POU6F2: variants seen among roughly 807,000 people sequenced by gnomAD.
The protein encoded by POU6F2 is POU domain, class 6, transcription factor 2.
Under a neutral mutation model 71.3 loss-of-function variants are expected in POU6F2, and 31 were observed. The observed-to-expected ratio is 0.43, with a 90% CI of 0.33 to 0.59. The LOEUF is 0.59. Ranked by LOEUF, POU6F2 falls within the 20% of genes least tolerant of loss-of-function variation. The pLI is 0.04. For synonymous variants in POU6F2, 347 were observed against 355.7 expected (o/e 0.98, Z 0.27); for missense variants, 783 against 856.8 (o/e 0.91, Z 1.07).
At chr7:39,269,428 GT>G (rs1784305257) in intron 4 of POU6F2, among the ~76,000 whole-genome samples, 1 of 152,226 alleles carries the variant, frequency 6.6e-6, no homozygotes, top group African/African-American at 2.4e-5. Flanking sequence ...CCCCAGTCCT[GT>G]GACAGCCCCC....
At chr7:39,461,397 C>CCCGT (rs1324730438) in intron 9 of POU6F2, among the ~76,000 whole-genome samples, 2 of 152,104 alleles carry the variant, frequency 1.3e-5, no homozygotes, top group African/African-American at 4.8e-5. Flanking sequence ...AGAAGCAGGC[C>CCCGT]CCGTGCATGC....
At chr7:39,036,988 A>G (rs1056801983) in intron 1 of POU6F2, among the ~76,000 whole-genome samples, 2 of 151,984 alleles carry the variant, frequency 1.3e-5, no homozygotes, top group South Asian at 2.1e-4. Flanking sequence ...TATACAGACT[A>G]TTTCATCACC....
chr7:39,201,865 A>C (rs1171894866), intron 2 of POU6F2, among the ~76,000 whole-genome samples: 1 of 152,166 alleles, frequency 6.6e-6, no homozygotes, highest in Non-Finnish European at 1.5e-5. Context: ...CCCTGATTCC[A>C]GAGCCGCCTT....
At chr7:39,127,049 A>G (rs941733629) in intron 2 of POU6F2, among the ~76,000 whole-genome samples, 3 of 152,244 alleles carry the variant, frequency 2.0e-5, no homozygotes, top group Non-Finnish European at 4.4e-5. Flanking sequence ...ATTTTATTTA[A>G]CCTCATATAT....
chr7:39,266,348 G>T (rs897819168), intron 4 of POU6F2, among the ~76,000 whole-genome samples: 2 of 152,176 alleles, frequency 1.3e-5, no homozygotes, highest in Non-Finnish European at 2.9e-5. Context: ...TGCACCACAA[G>T]GATGTGGTAG....
At chr7:39,327,878 CCAAGGT>C (rs1785547034) in intron 4 of POU6F2, among the ~76,000 whole-genome samples, 1 of 151,024 alleles carries the variant, frequency 6.6e-6, no homozygotes, top group Non-Finnish European at 1.5e-5. Flanking sequence ...AGATGGTGTT[CCAAGGT>C]CAAATGAGTT....
intron 1 of POU6F2, among the ~76,000 whole-genome samples, chr7:39,010,374 C>A (rs1789236120): frequency 6.7e-6 from 1 of 148,354 alleles, no homozygotes; most frequent in Non-Finnish European, 1.5e-5. Flanking sequence ...GTGATATCCC[C>A]TTTATCATTT....
At chr7:39,275,936 A>C (rs1784429837) in intron 4 of POU6F2, among the ~76,000 whole-genome samples, 1 of 152,008 alleles carries the variant, frequency 6.6e-6, no homozygotes, top group South Asian at 2.1e-4. Flanking sequence ...TTAGACCTAA[A>C]ACCATAAAAA....
intron 1 of POU6F2, among the ~76,000 whole-genome samples, chr7:39,032,495 C>A (rs1296042245): frequency 6.6e-6 from 1 of 152,210 alleles, no homozygotes; most frequent in African/African-American, 2.4e-5. Context: ...CTGTTTGCTA[C>A]AATTTGCCAT....
chr7:39,419,184 T>C (rs1787792249), intron 6 of POU6F2, among the ~76,000 whole-genome samples: 1 of 147,038 alleles, frequency 6.8e-6, no homozygotes, highest in African/African-American at 2.5e-5. Flanking sequence ...TACGTATATA[T>C]GTATATATTT....
intron 4 of POU6F2, among the ~76,000 whole-genome samples, chr7:39,327,972 G>A (rs1438221301): frequency 6.6e-6 from 1 of 152,126 alleles, no homozygotes; most frequent in Non-Finnish European, 1.5e-5. Context: ...CCAGGCTGGA[G>A]TGCAGTGGCA....
intron 4 of POU6F2, among the ~76,000 whole-genome samples, chr7:39,264,572 T>C (rs1300743354): frequency 6.6e-6 from 1 of 152,148 alleles, no homozygotes; most frequent in African/African-American, 2.4e-5. Context: ...TCTGACAGAC[T>C]AAGATGTGGT....
intron 1 of POU6F2, chr7:39,002,010 A>G (rs1399657790): frequency 2.0e-5 from 3 of 152,152 alleles, no homozygotes; most frequent in Non-Finnish European, 4.4e-5. Flanking sequence ...TTTAAAACTA[A>G]CCTGTGGTAA....
chr7:39,019,515 A>G (rs1789630201), intron 1 of POU6F2, among the ~76,000 whole-genome samples: 1 of 152,096 alleles, frequency 6.6e-6, no homozygotes, highest in Non-Finnish European at 1.5e-5. Context: ...GCTTTGGGAA[A>G]TTTCATTCAC....
At chr7:39,219,650 C>T (rs1055076641) in intron 4 of POU6F2, among the ~76,000 whole-genome samples, 3 of 152,126 alleles carry the variant, frequency 2.0e-5, no homozygotes, top group South Asian at 2.1e-4. Context: ...CTTGGCTCCA[C>T]GTTAACCTTT....
At chr7:39,442,529 C>T (rs1033567249) in intron 7 of POU6F2, among the ~76,000 whole-genome samples, 2 of 152,168 alleles carry the variant, frequency 1.3e-5, no homozygotes, top group African/African-American at 2.4e-5. Flanking sequence ...CAGTCTCTGT[C>T]GATCTTATCA....
chr7:39,012,357 C>T (rs1205349892), intron 1 of POU6F2, among the ~76,000 whole-genome samples: 1 of 151,748 alleles, frequency 6.6e-6, no homozygotes, highest in African/African-American at 2.4e-5. Flanking sequence ...GTTCTCGAGC[C>T]TTGGTTTTCA....
intron 1 of POU6F2, among the ~76,000 whole-genome samples, chr7:39,023,499 G>A (rs1463314966): frequency 6.6e-6 from 1 of 151,978 alleles, no homozygotes; most frequent in Non-Finnish European, 1.5e-5. Flanking sequence ...GCAGGTAGAG[G>A]CCAAGAATAC....
chr7:39,420,647 A>C (rs75377556), intron 6 of POU6F2, among the ~76,000 whole-genome samples: 1 of 152,178 alleles, frequency 6.6e-6, no homozygotes, highest in Admixed American at 6.5e-5. Flanking sequence ...AGATTTTTTT[A>C]AATTCTGAGT....
Sources: allele counts gnomAD v4.1 joint callset (sites outside exome capture counted in the v4.1 genomes callset), GRCh38; gene constraint gnomAD v4.1.1; transcripts MANE v1.5; gene names NCBI Gene and HGNC (gene_info 2026-07-23, HGNC 2026-07-21).